The following MAPKBP1 variants were observed in gnomAD, a reference collection of about 807,000 sequenced individuals.
The protein encoded by MAPKBP1 is mitogen-activated protein kinase-binding protein 1.
Under a neutral mutation model 170.5 loss-of-function variants are expected in MAPKBP1, and 71 were observed. The observed-to-expected ratio is 0.42, with a 90% confidence interval of 0.34 to 0.51. MAPKBP1 has a LOEUF of 0.51. Among genes scored for constraint, MAPKBP1 ranks in the 20% least tolerant of loss-of-function variants. The pLI, the probability that MAPKBP1 is intolerant of heterozygous loss-of-function variation, is 0.06. For missense variants in MAPKBP1, 1,598 were observed against 1,933.0 expected (o/e 0.83, Z 3.25); for synonymous variants, 719 against 757.9 (o/e 0.95, Z 0.84).
At chr15:41,784,447 C>A (rs1342498921) in intron 2 of MAPKBP1, among the ~76,000 whole-genome samples, 1 of 151,794 alleles carries the variant, frequency 6.6e-6, no homozygotes, top group East Asian at 1.9e-4. Context: ...TCAAGACTGG[C>A]CTGGGCAACA....
At chr15:41,792,335 T>A (rs2064409796) in intron 2 of MAPKBP1, among the ~76,000 whole-genome samples, 1 of 151,768 alleles carries the variant, frequency 6.6e-6, no homozygotes, top group African/African-American at 2.4e-5. Context: ...CTGGGAGTGG[T>A]GGGTATTCAA....
intron 3 of MAPKBP1, among the ~76,000 whole-genome samples, chr15:41,807,375 C>G (rs1014512900): frequency 2.6e-5 from 4 of 152,208 alleles, no homozygotes; most frequent in Non-Finnish European, 5.9e-5. Context: ...CCTTTAAAGG[C>G]TGAAATGCTG....
chr15:41,775,535 G>A, intron 2 of MAPKBP1, 146 bp downstream of exon 2: 1 of 657,238 alleles, frequency 1.5e-6, no homozygotes, highest in Non-Finnish European at 2.6e-6. Flanking sequence ...GCAATGATTT[G>A]GTTTTAGGTT....
At chr15:41,809,033 C>T (rs1162249558) in intron 3 of MAPKBP1, among the ~76,000 whole-genome samples, 1 of 140,374 alleles carries the variant, frequency 7.1e-6, no homozygotes, top group East Asian at 2.1e-4. Context: ...GCCATGGTGC[C>T]ACTGCAGTCC....
intron 9 of MAPKBP1, 64 bp from the exon 10 acceptor site, chr15:41,814,486 T>C: frequency 6.6e-7 from 1 of 1,514,162 alleles, no homozygotes; most frequent in Admixed American, 1.8e-5. Flanking sequence ...CTCCTTCCAT[T>C]GTGGATTGGC....
intron 5 of MAPKBP1, 137 bp from the exon 6 acceptor site, chr15:41,811,820 C>T (rs946903925): frequency 2.4e-6 from 2 of 829,424 alleles, no homozygotes; most frequent in African/African-American, 3.4e-5. Flanking sequence ...TTCCTCTATA[C>T]CCTGCCCTGA....
In MAPKBP1 at chr15:41,816,567, A is replaced by G; in HGVS notation, c.1502A>G (p.Glu501Gly). The change falls in exon 13 of 31, where the codon GAA becomes GGA. Residue 501 changes from glutamate to glycine, a missense_variant. Glu to Gly is a moderately conservative substitution (Grantham distance 98, BLOSUM62 -2). Coordinates refer to ENST00000457542, the MANE Select transcript of MAPKBP1 (RefSeq NM_014994.3). ...TCTCCTCATCTTTGCAGGGTGCACGAACTTCAGTCCCTGAGTGAGATGCTG... is the reference window on the plus strand; with the variant it reads ...TCTCCTCATCTTTGCAGGGTGCACGGACTTCAGTCCCTGAGTGAGATGCTG... ...GDRMGTLRVHELQSLSEMLKV... is the reference protein window; with the variant it reads ...GDRMGTLRVHGLQSLSEMLKV... 1 of 1,614,000 alleles carries G rather than the reference A, an allele frequency of 6.2e-7. No individual in the cohort carries two copies. The highest frequency in any genetic ancestry group is 8.5e-7 in the Non-Finnish European group (1 of 1,179,902).
rs1305187863 is a variant in MAPKBP1 at position 41,813,228 on chromosome 15, G to C, written c.819+127G>C. ...GGGAGATCCCAGGAGAACGAAGCTT[G>C]GGGGAGCTAGAGCTTGGCCCATTTC... On this transcript the variant is annotated intron_variant, in intron 8 of 30. Transcript: ENST00000457542. 9.9e-6 allele frequency: 15 copies of C among 1,508,498 alleles called. No homozygotes were observed. In the East Asian group the frequency reaches 2.5e-4, roughly 25 times the overall value. 93.4% of individuals were successfully genotyped at this position (1,508,498 alleles called of 1,614,324 possible).
chr15:41,807,226 C>G (rs900919175), intron 3 of MAPKBP1, among the ~76,000 whole-genome samples: 1 of 152,128 alleles, frequency 6.6e-6, no homozygotes, highest in African/African-American at 2.4e-5. Context: ...TTCCTACACA[C>G]ACACACATGC....
intron 21 of MAPKBP1, 38 bp from the exon 22 acceptor site, chr15:41,819,557 G>GCGCC: frequency 7.2e-7 from 1 of 1,384,680 alleles, no homozygotes; most frequent in Non-Finnish European, 1.0e-6. Flanking sequence ...CGGGGGGGGG[G>GCGCC]CAGGAGACAC....
At chr15:41,820,605 C>A in intron 22 of MAPKBP1, among the ~76,000 whole-genome samples, 1 of 152,302 alleles carries the variant, frequency 6.6e-6, no homozygotes, top group East Asian at 1.9e-4. Flanking sequence ...AATCTGCAGG[C>A]CACTTACTGT....
rs368170815 is a variant in MAPKBP1, at chr15:41,821,958, C to T, written c.2886-7C>T. The T allele has an allele frequency of 9.9e-6, 16 of 1,610,340 alleles. No homozygotes were observed. Among genetic ancestry groups the T allele is most frequent in the African/African-American group, 1.3e-5 (1 of 74,838 alleles). On this transcript the variant is annotated splice_polypyrimidine_tract_variant and splice_region_variant and intron_variant, in intron 24 of 30. Coordinates refer to ENST00000457542, the MANE Select transcript of MAPKBP1 (RefSeq NM_014994.3). ...GCCTTTTCTTCTCCCTGCTGGAATC[C>T]TGACAGTGAGTTCCAAGTGCAGGCT...
intron 21 of MAPKBP1, 30 bp downstream of exon 21, chr15:41,819,409 A>G (rs1405772363): frequency 1.9e-6 from 3 of 1,612,502 alleles, no homozygotes; most frequent in South Asian, 1.1e-5. Context: ...GGGGGCAGAC[A>G]GGCCCTAGTT....
intron 2 of MAPKBP1, among the ~76,000 whole-genome samples, chr15:41,782,345 A>G (rs2064205377): frequency 6.6e-6 from 1 of 151,964 alleles, no homozygotes; most frequent in Admixed American, 6.6e-5. Context: ...ATGATAAATG[A>G]TTTCCCCGTG....
Position 41,813,551 on chromosome 15 carries a change from TTGA to T in MAPKBP1, c.820-67_820-65del, listed in dbSNP as rs2064840402. ...GGTCCCTCCTCTTGGCAGGTGGCTG[TTGA>T]TGGGTGGGGAGGAGAGAAGACTGAG... On this transcript the variant is annotated intron_variant, in intron 8 of 30. Transcript: ENST00000457542. The T allele has an allele frequency of 4.4e-6, 7 of 1,577,538 alleles. No individual in the cohort carries two copies. The South Asian group carries it at 7.9e-5, about 18-fold the overall frequency.
At chr15:41,816,389 G>A (rs2064891675) in intron 12 of MAPKBP1, 170 bp from the exon 13 acceptor site, 2 of 582,938 alleles carry the variant, frequency 3.4e-6, no homozygotes, top group African/African-American at 1.9e-5. Context: ...TTCACATTAG[G>A]GAAAGCTGGG....
chr15:41,821,427 C>A, intron 23 of MAPKBP1, 157 bp from the exon 24 acceptor site: 2 of 688,852 alleles, frequency 2.9e-6, no homozygotes, highest in Non-Finnish European at 5.0e-6. Flanking sequence ...GTCTGTCCTT[C>A]AGCTTCCCCT....
intron 2 of MAPKBP1, among the ~76,000 whole-genome samples, chr15:41,781,209 G>A (rs918788278): frequency 5.9e-5 from 9 of 151,902 alleles, no homozygotes; most frequent in African/African-American, 2.2e-4. Context: ...CCGAGTAGCT[G>A]GGATTACAGG....
chr15:41,820,197 G>A (rs2064971214), intron 22 of MAPKBP1, among the ~76,000 whole-genome samples: 1 of 152,184 alleles, frequency 6.6e-6, no homozygotes, highest in African/African-American at 2.4e-5. Flanking sequence ...AAGTTCCCAA[G>A]CACCAGTACC....
Sources: gnomAD v4.1 joint callset for allele counts (sites outside exome capture counted in the v4.1 genomes callset) on GRCh38, gnomAD v4.1.1 for gene constraint, MANE v1.5 for transcripts, NCBI Gene and HGNC (gene_info 2026-07-23, HGNC 2026-07-21) for gene names.